The following GOSR2 variants were observed in gnomAD, a reference collection of about 807,000 sequenced individuals.
The protein encoded by GOSR2 is golgi SNAP receptor complex member 2.
A neutral mutation model predicts 27.9 loss-of-function variants in GOSR2; 20 were observed. The observed-to-expected ratio is 0.72, with a 90% CI of 0.50 to 1.04. The LOEUF (loss-of-function observed/expected upper bound fraction) is 1.04, where lower values mean the gene tolerates loss of function less well. Ranked by LOEUF, GOSR2 falls within the 50% of genes least tolerant of loss-of-function variation. The pLI is 0.00. For synonymous variants in GOSR2, 91 were observed against 98.8 expected (o/e 0.92, Z 0.47); for missense variants, 261 against 270.5 (o/e 0.97, Z 0.25).
chr17:46,934,980 G>C, intron 4 of GOSR2, 49 bp from the exon 5 acceptor site: 1 of 1,575,122 alleles, frequency 6.3e-7, no homozygotes, highest in Non-Finnish European at 8.7e-7. Flanking sequence ...GAGACCCCAG[G>C]AACTGACTGA....
chr17:46,940,384 G>A lies in GOSR2; in HGVS notation c.*1624G>A. On this transcript the variant is annotated 3_prime_UTR_variant, in exon 6 of 6. Coordinates refer to ENST00000640051, the MANE Select transcript of GOSR2 (RefSeq NM_004287.5). ...GAGTTAAAGCAGTGACTGGAGGGTG[G>A]ACTGGGGGGTTGCAGCATCTTTAGA... 1.3e-6 allele frequency: 2 copies of A among 1,535,122 alleles called. No individual in the cohort carries two copies. The highest frequency in any genetic ancestry group is 1.9e-5 in the Admixed American group (1 of 52,822).
intron 4 of GOSR2, chr17:46,932,668 AT>A (rs1297187340): frequency 8.3e-6 from 2 of 239,674 alleles, no homozygotes; most frequent in Non-Finnish European, 1.6e-5. Context: ...ATTTGGAGGA[AT>A]TTGTTAACAG....
chr17:46,971,787 G>T (rs530955046), downstream of GOSR2, among the ~76,000 whole-genome samples: 1 of 152,196 alleles, frequency 6.6e-6, no homozygotes, highest in Admixed American at 6.5e-5. Context: ...GTGGTTCTGT[G>T]CACACCTCAC....
chr17:46,941,328 C>G lies in GOSR2; in HGVS notation c.*2568C>G, dbSNP rs2089250567. 1.0e-6 allele frequency: 1 copy of G among 985,106 alleles called. No individual in the cohort carries two copies. Among genetic ancestry groups the G allele is most frequent in the African/African-American group, 1.7e-5 (1 of 57,208 alleles). The allele number at this position is 985,106 out of a possible 1,614,324, so 61.0% of individuals were successfully genotyped here. A position where few individuals can be genotyped will look rare whatever the true frequency, so the allele number is the denominator to read the frequency against. On this transcript the variant is annotated 3_prime_UTR_variant, in exon 6 of 6. Coordinates refer to ENST00000640051, the MANE Select transcript of GOSR2 (RefSeq NM_004287.5). ...TACACCCATTGTTTTGGAAGCACAT[C>G]AGCTGAATAAAGTTGAGGTTTATTT...
At chr17:46,955,462 T>C (rs2090648015) in intron 6 of GOSR2, 1 of 152,200 alleles carries the variant, frequency 6.6e-6, no homozygotes. Flanking sequence ...ATCAAGGATA[T>C]TGGTCTAAAA....
intron 6 of GOSR2, among the ~76,000 whole-genome samples, chr17:46,947,854 C>T (rs938286826): frequency 2.4e-4 from 36 of 152,296 alleles, no homozygotes; most frequent in Non-Finnish European, 4.3e-4. Context: ...CCGTAACCTC[C>T]GCCTCCCGGG....
chr17:46,970,905 A>G (rs2091385374), downstream of GOSR2, among the ~76,000 whole-genome samples: 1 of 152,206 alleles, frequency 6.6e-6, no homozygotes, highest in Non-Finnish European at 1.5e-5. Context: ...TCTGGAGAAA[A>G]TCTCAAACCT....
chr17:46,966,134 G>A (rs939900125), intron 6 of GOSR2, among the ~76,000 whole-genome samples: 3 of 152,154 alleles, frequency 2.0e-5, no homozygotes, highest in Non-Finnish European at 2.9e-5. Context: ...AGTAGCAGTA[G>A]TACTATTTCG....
downstream of GOSR2, among the ~76,000 whole-genome samples, chr17:46,945,501 C>T (rs1393162310): frequency 3.3e-5 from 5 of 152,164 alleles, no homozygotes; most frequent in Non-Finnish European, 7.3e-5. Flanking sequence ...AGCAGCCTAA[C>T]CTTGGGCTTA....
downstream of GOSR2, among the ~76,000 whole-genome samples, chr17:46,943,417 C>G (rs936881969): frequency 2.6e-5 from 4 of 152,232 alleles, no homozygotes; most frequent in East Asian, 3.8e-4. Context: ...TTGGTCTTCT[C>G]AGAACATGCC....
intron 2 of GOSR2, chr17:46,929,888 T>G (rs550724934): frequency 3.4e-6 from 1 of 293,734 alleles, no homozygotes; most frequent in East Asian, 6.8e-5. Flanking sequence ...ATGTACTCCA[T>G]AAAAATTCAG....
chr17:46,949,987 T>G (rs2090208842), intron 6 of GOSR2, among the ~76,000 whole-genome samples: 1 of 152,220 alleles, frequency 6.6e-6, no homozygotes, highest in Non-Finnish European at 1.5e-5. Flanking sequence ...CAGTAGGCAC[T>G]TCATAAATAT....
chr17:46,951,150 G>T lies in GOSR2; in HGVS notation c.583+12446G>T, dbSNP rs577596559. 1.5e-3 allele frequency among the ~76,000 whole-genome samples: 227 copies of T among 152,328 alleles called. 1 individual carries two copies. Among genetic ancestry groups the T allele is most frequent in the African/African-American group, 5.3e-3 (221 of 41,580 alleles). On this transcript the variant is annotated intron_variant, in intron 6 of 6. Transcript: ENST00000573224. ...TCTCCACACCCCTCAGTTATTGACAGAAACTGGCACACGCACTGCCAGACC... is the reference window on the plus strand; with the variant it reads ...TCTCCACACCCCTCAGTTATTGACATAAACTGGCACACGCACTGCCAGACC...
intron 5 of GOSR2, chr17:46,936,094 C>A: frequency 1.0e-6 from 1 of 985,876 alleles, no homozygotes; most frequent in Non-Finnish European, 1.2e-6. Context: ...GTGACACTCA[C>A]CTCCTGCTGA....
At chr17:46,927,326 ATTTG>A (rs2086641317) in intron 1 of GOSR2, among the ~76,000 whole-genome samples, 3 of 151,912 alleles carry the variant, frequency 2.0e-5, no homozygotes, top group African/African-American at 7.3e-5. Flanking sequence ...TGTGCCATTC[ATTTG>A]TTTATTTTGT....
chr17:46,971,663 A>C (rs114915286), downstream of GOSR2, among the ~76,000 whole-genome samples: 1,277 of 152,292 alleles, frequency 8.4e-3, 20 homozygotes, highest in African/African-American at 0.029. Flanking sequence ...TTACAGATGA[A>C]GAAACAGGCC....
At chr17:46,946,282 C>CAAAAA (rs58163051), downstream of GOSR2, among the ~76,000 whole-genome samples, 7 of 126,670 alleles carry the variant, frequency 5.5e-5, no homozygotes, top group African/African-American at 1.6e-4. Context: ...CTAAAAATAC[C>CAAAAA]AAAAAAAAAA....
chr17:46,934,230 TAC>T (rs1168668870), intron 4 of GOSR2, among the ~76,000 whole-genome samples: 1 of 139,876 alleles, frequency 7.1e-6, no homozygotes, highest in Non-Finnish European at 1.5e-5. Flanking sequence ...CAAGTTATTC[TAC>T]CTCTCTGGGC....
chr17:46,951,755 G>T (rs1382790108), intron 6 of GOSR2, among the ~76,000 whole-genome samples: 1 of 152,138 alleles, frequency 6.6e-6, no homozygotes, highest in Non-Finnish European at 1.5e-5. Flanking sequence ...ATTTTCTGGG[G>T]CCCAGGTACA....
Sources: allele counts gnomAD v4.1 joint callset (sites outside exome capture counted in the v4.1 genomes callset), GRCh38; gene constraint gnomAD v4.1.1; transcripts MANE v1.5; gene names NCBI Gene and HGNC (gene_info 2026-07-23, HGNC 2026-07-21).